Variants in ZNF347 observed in about 807,000 individuals in gnomAD.
The protein encoded by ZNF347 is zinc finger protein 347, also known as CTD-2620I22.7.
ZNF347 carries 19 observed loss-of-function variants against 12.9 expected under a neutral mutation model. That is an observed-to-expected ratio of 1.47 (90% CI 1.03 to 2.16). ZNF347 has a LOEUF of 2.16. Among genes scored for constraint, ZNF347 ranks in the 30% most tolerant of loss-of-function variants. The pLI is 0.00. For synonymous variants in ZNF347, 328 were observed against 340.6 expected (o/e 0.96, Z 0.41); for missense variants, 1,005 against 990.6 (o/e 1.01, Z -0.19).
chr19:53,145,792 T>C (rs2090459059), intron 4 of ZNF347, among the ~76,000 whole-genome samples: 1 of 151,066 alleles, frequency 6.6e-6, no homozygotes, highest in Non-Finnish European at 1.5e-5. Flanking sequence ...AACACCTATA[T>C]CAAAAAAACA....
intron 4 of ZNF347, among the ~76,000 whole-genome samples, chr19:53,147,376 AAAACAAAC>A (rs35675251): frequency 6.6e-6 from 1 of 150,874 alleles, no homozygotes; most frequent in Non-Finnish European, 1.5e-5. Flanking sequence ...CTGCATCTCA[AAAACAAAC>A]AAACAAACAA....
At chr19:53,153,634 G>A (rs974570691) in intron 2 of ZNF347, 99 bp downstream of exon 2, 3 of 1,518,116 alleles carry the variant, frequency 2.0e-6, no homozygotes, top group African/African-American at 2.7e-5. Flanking sequence ...AAACCTGTCA[G>A]GCAGGACGCT....
At chr19:53,155,007 G>A (rs990591326) in intron 1 of ZNF347, among the ~76,000 whole-genome samples, 2 of 151,214 alleles carry the variant, frequency 1.3e-5, no homozygotes, top group African/African-American at 2.4e-5. Flanking sequence ...TTGCGATCTC[G>A]GCTCACCGTA....
chr19:53,155,554 C>T (rs567271959), intron 1 of ZNF347, among the ~76,000 whole-genome samples: 2 of 152,116 alleles, frequency 1.3e-5, no homozygotes, highest in South Asian at 2.1e-4. Context: ...AGGCTGGTCT[C>T]GAACTCCTGG....
At chr19:53,149,400 T>C (rs758027685) in intron 2 of ZNF347, 33 bp from the exon 3 acceptor site, 2 of 1,612,278 alleles carry the variant, frequency 1.2e-6, no homozygotes, top group South Asian at 1.1e-5. Context: ...CAGGGGGATA[T>C]AAGGAAAAGC....
In ZNF347 at chr19:53,139,900, A is replaced by ATT. The variant is rs879706160; in HGVS notation, c.*406_*407dup. On this transcript the variant is annotated 3_prime_UTR_variant, in exon 5 of 5. Transcript: ENST00000334197. ...ATGAGGAGTTTGCCACAGTCATTGC[A>ATT]TTTTTTTTTTTTCCTTTAAGATGGA... is the stretch of plus-strand genomic sequence containing the variant. 5.8e-5 allele frequency: 9 copies of ATT among 155,512 alleles called. No individual in the cohort carries two copies. The highest frequency in any genetic ancestry group is 1.8e-4 in the Admixed American group (3 of 16,558). The allele number at this position is 155,512 out of a possible 1,614,324, so 9.6% of individuals were successfully genotyped here.
In ZNF347 at chr19:53,135,337, T is replaced by TAGAGAGAGAGAGAGAG. The variant is rs2090381696; in HGVS notation, c.*4970_*4971insCTCTCTCTCTCTCTCT. On this transcript the variant is annotated 3_prime_UTR_variant, in exon 5 of 5. Transcript: ENST00000334197. ...ATATATATATATATATATATATATA[T>TAGAGAGAGAGAGAGAG]ATAGAGAGAGAGAGAGAGAGAGAGA... 1.2e-5 allele frequency: 1 copy of TAGAGAGAGAGAGAGAG among 86,050 alleles called. No homozygotes were observed. Among genetic ancestry groups the TAGAGAGAGAGAGAGAG allele is most frequent in the African/African-American group, 5.5e-5 (1 of 18,332 alleles). 5.3% of individuals were successfully genotyped at this position (86,050 alleles called of 1,614,324 possible).
In ZNF347 at chr19:53,137,362, G is replaced by A. The variant is rs2090393251; in HGVS notation, c.*2946C>T. 1 of 152,124 alleles carries A rather than the reference G, an allele frequency of 6.6e-6. No homozygotes were observed. Among genetic ancestry groups the A allele is most frequent in the Non-Finnish European group, 1.5e-5 (1 of 68,026 alleles). The allele number at this position is 152,124 out of a possible 1,614,324, so 9.4% of individuals were successfully genotyped here. On this transcript the variant is annotated 3_prime_UTR_variant, in exon 5 of 5. Coordinates refer to ENST00000334197, the MANE Select transcript of ZNF347 (RefSeq NM_032584.3). The stretch of plus-strand genomic sequence containing the variant: ...GTGTTCCCTCCTTTGGCACTAGATG[G>A]AAGTTCAAATCACGTGTGGGATCCT...
intron 4 of ZNF347, among the ~76,000 whole-genome samples, chr19:53,147,993 G>C (rs2090473901): frequency 1.3e-5 from 2 of 152,016 alleles, no homozygotes; most frequent in Admixed American, 1.3e-4. Context: ...CAACAACTTG[G>C]GTACAGAAAA....
chr19:53,149,951 C>T (rs1449132397), intron 2 of ZNF347, among the ~76,000 whole-genome samples: 5 of 152,160 alleles, frequency 3.3e-5, no homozygotes, highest in Non-Finnish European at 1.5e-5. Context: ...AGACTGCTTA[C>T]ATCTGGCTGT....
chr19:53,145,128 TA>T (rs1271661060), intron 4 of ZNF347, among the ~76,000 whole-genome samples: 1 of 151,652 alleles, frequency 6.6e-6, no homozygotes, highest in Non-Finnish European at 1.5e-5. Context: ...CTGTTTCTAC[TA>T]AAAACACAAA....
At position 53,158,537 on chromosome 19, in the gene ZNF347, CAA is replaced by C. The variant is rs1451778913; in HGVS notation, c.-47+470_-47+471del. On this transcript the variant is annotated intron_variant, in intron 1 of 4. Coordinates refer to ENST00000334197, the MANE Select transcript of ZNF347 (RefSeq NM_032584.3). ...GAGAAGCCTCAGAGCTACTTCAACC[CAA>C]AGAGAAGCGACTCCGAACCCACACC... The C allele has an allele frequency of 4.1e-5, 6 of 146,638 alleles. No homozygotes were observed. In the East Asian group the frequency reaches 9.1e-4, roughly 22 times the overall value. The allele number at this position is 146,638 out of a possible 1,614,324, so 9.1% of individuals were successfully genotyped here. A position where few individuals can be genotyped will look rare whatever the true frequency, so the allele number is the denominator to read the frequency against.
At chr19:53,154,490 T>C (rs1317449679) in intron 1 of ZNF347, among the ~76,000 whole-genome samples, 1 of 151,828 alleles carries the variant, frequency 6.6e-6, no homozygotes, top group Non-Finnish European at 1.5e-5. Context: ...GGAAAGGCAA[T>C]GAGTGCGGAC....
At position 53,141,419 on chromosome 19, in the gene ZNF347, G is replaced by A; in HGVS notation, c.1409C>T (p.Ser470Leu). Residue 470 changes from serine to leucine, a missense_variant, in exon 5 of 5, where the codon TCA (serine) becomes TTA (leucine). Transcript: ENST00000334197. ...HECGKVFRRN[S>L]HLARHQLIHT... Reference sequence around the variant, plus strand: ...AATTAGCTGATGCCTTGCAAGGTGTGAATTACGCCTAAAGACCTTGCCGCA... The same window carrying A: ...AATTAGCTGATGCCTTGCAAGGTGTAAATTACGCCTAAAGACCTTGCCGCA... 1.9e-6 allele frequency: 3 copies of A among 1,613,906 alleles called. No homozygotes were observed. Among genetic ancestry groups the A allele is most frequent in the Non-Finnish European group, 2.5e-6 (3 of 1,179,930 alleles).
chr19:53,154,473 T>C (rs1004299576), intron 1 of ZNF347, among the ~76,000 whole-genome samples: 3 of 151,482 alleles, frequency 2.0e-5, no homozygotes, highest in Admixed American at 2.0e-4. Context: ...ATGAGCTGAG[T>C]TGATAAGGAA....
In ZNF347 at chr19:53,149,117, T is replaced by G; in HGVS notation, c.142+124A>C. On this transcript the variant is annotated intron_variant, in intron 3 of 4. Transcript: ENST00000334197. ...TCCAGTTTCCACATTATGGAGATTT[T>G]CATTTTTCAGTCAACACAGCTTCAG... 1.9e-6 allele frequency: 3 copies of G among 1,539,214 alleles called. No individual in the cohort carries two copies. In the East Asian group the frequency reaches 6.9e-5, roughly 35 times the overall value.
chr19:53,152,033 C>A (rs1599859435), intron 2 of ZNF347, among the ~76,000 whole-genome samples: 1 of 135,544 alleles, frequency 7.4e-6, no homozygotes. Flanking sequence ...GCAGAGATTG[C>A]AGTGAGCCGA....
chr19:53,157,846 C>T (rs1350635728), intron 1 of ZNF347, among the ~76,000 whole-genome samples: 1 of 152,198 alleles, frequency 6.6e-6, no homozygotes, highest in East Asian at 1.9e-4. Context: ...GGCCCTCTCC[C>T]TACCTTGCTG....
At chr19:53,149,204 G>A in intron 3 of ZNF347, 37 bp downstream of exon 3, 4 of 1,607,310 alleles carry the variant, frequency 2.5e-6, no homozygotes, top group Non-Finnish European at 3.4e-6. Flanking sequence ...AGATACACAG[G>A]GGCAGATCCT....
Sources: allele counts gnomAD v4.1 joint callset (sites outside exome capture counted in the v4.1 genomes callset), GRCh38; gene constraint gnomAD v4.1.1; transcripts MANE v1.5; gene names NCBI Gene and HGNC (gene_info 2026-07-23, HGNC 2026-07-21).